Variants in PTPRG observed in about 807,000 individuals in gnomAD.
The protein encoded by PTPRG is protein tyrosine phosphatase receptor type G.
In PTPRG, 102 loss-of-function variants were observed where a neutral mutation model predicts 165.3. The ratio of observed to expected loss-of-function variants is 0.62; its 90% confidence interval spans 0.53 to 0.73. The LOEUF (loss-of-function observed/expected upper bound fraction) is 0.73. Ranked by LOEUF, PTPRG falls within the 30% of genes least tolerant of loss-of-function variation. PTPRG has a pLI of 0.00. For synonymous variants in PTPRG, 675 were observed against 669.5 expected (o/e 1.01, Z -0.13); for missense variants, 1,866 against 1,861.4 (o/e 1.00, Z -0.05).
chr3:61,721,269 A>G (rs967093902), intron 1 of PTPRG, among the ~76,000 whole-genome samples: 1 of 152,180 alleles, frequency 6.6e-6, no homozygotes, highest in African/African-American at 2.4e-5. Context: ...TTTAAGTAAT[A>G]TAGTATCATC....
intron 17 of PTPRG, among the ~76,000 whole-genome samples, chr3:62,265,923 A>ACACACACACACACACACACACACACG (rs1220711982): frequency 2.0e-5 from 3 of 151,118 alleles, no homozygotes; most frequent in African/African-American, 7.3e-5. Context: ...ACACACACAC[A>ACACACACACACACACACACACACACG]CACCATTCTC....
chr3:61,981,078 C>G (rs991372642), intron 2 of PTPRG, among the ~76,000 whole-genome samples: 1 of 152,192 alleles, frequency 6.6e-6, no homozygotes, highest in Admixed American at 6.5e-5. Flanking sequence ...GGGGAGGCCT[C>G]GGGGAACTTA....
In PTPRG at chr3:61,584,527, A is replaced by G. The variant is rs2106805676; in HGVS notation, c.85+22155A>G. On this transcript the variant is annotated intron_variant, in intron 1 of 29. Coordinates refer to ENST00000474889, the MANE Select transcript of PTPRG (RefSeq NM_002841.4). Reference sequence around the variant, plus strand: ...CAATTTCATTTGTTTATAACTATGAAGATGAGCGCTTCCAGCAGAGCACTG... The same window carrying G: ...CAATTTCATTTGTTTATAACTATGAGGATGAGCGCTTCCAGCAGAGCACTG... 3.3e-5 allele frequency among the ~76,000 whole-genome samples: 5 copies of G among 152,180 alleles called. No homozygotes were observed. In the South Asian group the frequency reaches 1.0e-3, roughly 32 times the overall value.
intron 1 of PTPRG, among the ~76,000 whole-genome samples, chr3:61,745,837 T>C (rs1030155559): frequency 6.6e-6 from 1 of 152,028 alleles, no homozygotes; most frequent in Non-Finnish European, 1.5e-5. Context: ...ATGGAGAAAT[T>C]TATGACCAGG....
intron 1 of PTPRG, among the ~76,000 whole-genome samples, chr3:61,661,084 T>C (rs901668364): frequency 1.3e-5 from 2 of 151,918 alleles, no homozygotes; most frequent in Non-Finnish European, 2.9e-5. Flanking sequence ...TTTTTTTTTT[T>C]CTTTAAGAGA....
intron 4 of PTPRG, among the ~76,000 whole-genome samples, chr3:62,059,936 A>G (rs1299185804): frequency 1.3e-5 from 2 of 152,120 alleles, no homozygotes; most frequent in Admixed American, 1.3e-4. Context: ...AAGTTTCCTG[A>G]GGCCTCCCCA....
chr3:61,885,607 G>A (rs2038006136), intron 2 of PTPRG, among the ~76,000 whole-genome samples: 1 of 140,220 alleles, frequency 7.1e-6, no homozygotes, highest in Admixed American at 7.4e-5. Flanking sequence ...GGACAACACA[G>A]TTTGGATCTA....
intron 8 of PTPRG, among the ~76,000 whole-genome samples, chr3:62,181,905 G>A (rs899030008): frequency 1.3e-5 from 2 of 152,152 alleles, no homozygotes; most frequent in Admixed American, 6.5e-5. Flanking sequence ...GGAGATTGGA[G>A]TGTCCACACA....
chr3:61,910,520 C>G (rs2038774589), intron 2 of PTPRG, among the ~76,000 whole-genome samples: 1 of 152,096 alleles, frequency 6.6e-6, no homozygotes, highest in African/African-American at 2.4e-5. Context: ...CTGGATTTTC[C>G]TCTCCTGGAT....
At chr3:61,977,177 A>G (rs1046026217) in intron 2 of PTPRG, among the ~76,000 whole-genome samples, 1 of 151,066 alleles carries the variant, frequency 6.6e-6, no homozygotes, top group African/African-American at 2.5e-5. Context: ...AAAGAGTACA[A>G]TATTTCTGCC....
At chr3:61,693,018 A>G (rs2030322218) in intron 1 of PTPRG, among the ~76,000 whole-genome samples, 1 of 152,176 alleles carries the variant, frequency 6.6e-6, no homozygotes, top group Admixed American at 6.5e-5. Context: ...TAGCAATTGG[A>G]TAAGATATGA....
At chr3:61,820,916 G>T (rs1388754919) in intron 2 of PTPRG, among the ~76,000 whole-genome samples, 1 of 151,712 alleles carries the variant, frequency 6.6e-6, no homozygotes, top group Non-Finnish European at 1.5e-5. Flanking sequence ...GTGTTTTTTT[G>T]ATTCACTGTG....
chr3:61,901,066 G>A (rs868427358), intron 2 of PTPRG, among the ~76,000 whole-genome samples: 1 of 152,178 alleles, frequency 6.6e-6, no homozygotes, highest in Middle Eastern at 3.2e-3. Context: ...GCTGACAAAG[G>A]CAGTGGTGCC....
At chr3:62,127,527 T>A (rs1273323814) in intron 5 of PTPRG, among the ~76,000 whole-genome samples, 1 of 152,234 alleles carries the variant, frequency 6.6e-6, no homozygotes, top group Non-Finnish European at 1.5e-5. Flanking sequence ...TTTGTCACTT[T>A]CCTCTGCAGC....
At chr3:61,974,799 G>T (rs187309396) in intron 2 of PTPRG, among the ~76,000 whole-genome samples, 33 of 152,218 alleles carry the variant, frequency 2.2e-4, no homozygotes, top group African/African-American at 7.0e-4. Flanking sequence ...CCCAGTACTG[G>T]TAGTCTGTTC....
At position 62,078,174 on chromosome 3, in the gene PTPRG, C is replaced by A; in HGVS notation, c.531C>A (p.Phe177Leu). ...GRRFPVEMQIFFYNPDDFDSF... is the reference protein window; with the variant it reads ...GRRFPVEMQILFYNPDDFDSF... ...AATTGTTCTTACAGATGCAGATTTT[C>A]TTTTACAATCCAGATGACTTTGACA... The change falls in exon 5 of 30, where the codon TTC becomes TTA. Residue 177 changes from phenylalanine (F) to leucine (L), a missense_variant. Physicochemically the swap from Phe to Leu is conservative, Grantham distance 22 (BLOSUM62 0). Transcript: ENST00000474889. The A allele has an allele frequency of 6.3e-7, 1 of 1,596,888 alleles. No homozygotes were observed. The highest frequency in any genetic ancestry group is 8.5e-7 in the Non-Finnish European group (1 of 1,171,542).
intron 2 of PTPRG, among the ~76,000 whole-genome samples, chr3:61,873,553 C>T (rs572924243): frequency 2.6e-5 from 4 of 152,004 alleles, no homozygotes; most frequent in African/African-American, 7.2e-5. Flanking sequence ...AGATAGCTGT[C>T]GGAAAAGAAA....
chr3:61,705,274 C>T (rs1193870776), intron 1 of PTPRG, among the ~76,000 whole-genome samples: 1 of 152,180 alleles, frequency 6.6e-6, no homozygotes, highest in African/African-American at 2.4e-5. Context: ...TCTGAAAAGG[C>T]ACTTGGAAAG....
chr3:61,889,760 T>C (rs1188960079), intron 2 of PTPRG, among the ~76,000 whole-genome samples: 1 of 152,254 alleles, frequency 6.6e-6, no homozygotes, highest in Non-Finnish European at 1.5e-5. Flanking sequence ...CTTCTTAAAC[T>C]ATTTCCATCC....
Sources: allele counts gnomAD v4.1 joint callset (sites outside exome capture counted in the v4.1 genomes callset), GRCh38; gene constraint gnomAD v4.1.1; transcripts MANE v1.5; gene names NCBI Gene and HGNC (gene_info 2026-07-23, HGNC 2026-07-21).